SMPD3: variants seen among roughly 807,000 people sequenced by gnomAD.
SMPD3 encodes nSMase-2.
In SMPD3, 21 loss-of-function variants were observed where a neutral mutation model predicts 55.7. That is an observed-to-expected ratio of 0.38 (90% CI 0.27 to 0.54). The LOEUF is 0.54. Among genes scored for constraint, SMPD3 ranks in the 20% least tolerant of loss-of-function variants. SMPD3 has a pLI of 0.80. For synonymous variants in SMPD3, 457 were observed against 404.3 expected (o/e 1.13, Z -1.56); for missense variants, 842 against 899.6 (o/e 0.94, Z 0.82).
chr16:68,417,211 C>T (rs1597657530), intron 1 of SMPD3, among the ~76,000 whole-genome samples: 1 of 152,324 alleles, frequency 6.6e-6, no homozygotes, highest in African/African-American at 2.4e-5. Flanking sequence ...ATCTCAGCTC[C>T]TGAGTTCCCT....
intron 1 of SMPD3, among the ~76,000 whole-genome samples, chr16:68,402,222 G>A (rs1188726397): frequency 6.6e-6 from 1 of 152,146 alleles, no homozygotes; most frequent in Non-Finnish European, 1.5e-5. Context: ...TGAACCCTGA[G>A]TGATACAGCA....
At chr16:68,361,811 C>T (rs775558692) in intron 7 of SMPD3, 52 bp from the exon 8 acceptor site, 2 of 1,467,412 alleles carry the variant, frequency 1.4e-6, no homozygotes, top group Non-Finnish European at 1.8e-6. Context: ...CCCTGTGGGC[C>T]TGGCAGGGGC....
intron 2 of SMPD3, among the ~76,000 whole-genome samples, chr16:68,378,548 A>C (rs1428075483): frequency 2.0e-5 from 3 of 151,946 alleles, no homozygotes; most frequent in African/African-American, 7.3e-5. Flanking sequence ...TTCTCCCTGC[A>C]GTCCTCCCTG....
intron 2 of SMPD3, among the ~76,000 whole-genome samples, chr16:68,379,530 T>C (rs936207089): frequency 7.2e-5 from 11 of 152,186 alleles, no homozygotes; most frequent in African/African-American, 2.4e-4. Flanking sequence ...CTTCAAAGTC[T>C]CCTCCTCTTG....
chr16:68,365,343 T>C (rs2089445109), intron 3 of SMPD3, among the ~76,000 whole-genome samples: 1 of 152,030 alleles, frequency 6.6e-6, no homozygotes. Flanking sequence ...GTGCAAAGCA[T>C]GGGGGAAGTG....
intron 1 of SMPD3, among the ~76,000 whole-genome samples, chr16:68,413,341 G>A (rs2090316329): frequency 6.6e-6 from 1 of 152,224 alleles, no homozygotes; most frequent in Non-Finnish European, 1.5e-5. Context: ...GAGCTGTGAA[G>A]CCTTGCAGCT....
chr16:68,424,128 C>T (rs1265437534), intron 1 of SMPD3, among the ~76,000 whole-genome samples: 1 of 149,380 alleles, frequency 6.7e-6, no homozygotes. Flanking sequence ...GGGTCCTAGG[C>T]CCCCTGGCTA....
intron 1 of SMPD3, among the ~76,000 whole-genome samples, chr16:68,435,133 G>GC (rs869034221): frequency 1.7e-5 from 1 of 60,582 alleles, no homozygotes; most frequent in Non-Finnish European, 4.1e-5. Context: ...GAGAAAGACA[G>GC]CCCAGCAGAT....
chr16:68,365,019 T>C lies in SMPD3; in HGVS notation c.1397A>G (p.Gln466Arg). ...ACACAGGTGGGCGGCAACCCTACCT[T>C]GCGGGGCATGCAGGTGTGTGCAGGC... is the stretch of plus-strand genomic sequence containing the variant. The part of the protein sequence containing the change: ...YIACTHLHAP[Q>R]EDSAIRCGQL... The change falls in exon 4 of 9, where the codon CAA (glutamine) becomes CGA (arginine). Residue 466 changes from glutamine to arginine, a missense_variant and splice_region_variant. Physicochemically the swap from Gln to Arg is conservative, Grantham distance 43. Transcript: ENST00000219334. 2 of 1,614,040 alleles carry C rather than the reference T, an allele frequency of 1.2e-6. No individual in the cohort carries two copies. The highest frequency in any genetic ancestry group is 1.7e-6 in the Non-Finnish European group (2 of 1,179,992).
chr16:68,368,721 G>A (rs986405612), intron 3 of SMPD3: 1 of 152,426 alleles, frequency 6.6e-6, no homozygotes, highest in Non-Finnish European at 1.5e-5. Flanking sequence ...GGACAAAGCA[G>A]AGGGGCCTCA....
intron 1 of SMPD3, among the ~76,000 whole-genome samples, chr16:68,436,592 G>A (rs1449451240): frequency 7.9e-5 from 12 of 152,164 alleles, no homozygotes. Context: ...AATTCACAAC[G>A]CTCCACTCAC....
chr16:68,388,637 A>C (rs1170879650), intron 1 of SMPD3, among the ~76,000 whole-genome samples: 23 of 128,836 alleles, frequency 1.8e-4, no homozygotes, highest in Admixed American at 3.3e-4. Context: ...CCCCCTCCCC[A>C]CTCTCCACCC....
chr16:68,396,598 C>T (rs2090159681), intron 1 of SMPD3, among the ~76,000 whole-genome samples: 1 of 152,132 alleles, frequency 6.6e-6, no homozygotes, highest in East Asian at 1.9e-4. Context: ...CGTAGAGCCC[C>T]CTGAGCTCCA....
At position 68,433,521 on chromosome 16, in the gene SMPD3, G is replaced by A. The variant is rs147433858; in HGVS notation, c.-269+14832C>T. Among the ~76,000 whole-genome samples, 285 of 152,350 alleles carry A rather than the reference G, an allele frequency of 1.9e-3. 3 individuals are homozygous for A. Among genetic ancestry groups the A allele is most frequent in the African/African-American group, 6.5e-3 (271 of 41,582 alleles). ...GCTACATCCCTGTACAAGAGTGGGC[G>A]AGGTCACCAGGGCATGGCAGATGGG... On this transcript the variant is annotated intron_variant, in intron 1 of 8. Transcript: ENST00000219334.
rs925063925 is a variant in SMPD3, at chr16:68,404,113, T to C, written c.-268-17454A>G. Among the ~76,000 whole-genome samples, 6 of 151,882 alleles carry C rather than the reference T, an allele frequency of 4.0e-5. No homozygotes were observed. The highest frequency in any genetic ancestry group is 8.8e-5 in the Non-Finnish European group (6 of 67,988). ...TCACTGCAGCCTCTGCCTCTCGGGC[T>C]CAAGAGATCCTCCCACCTCAGCCTC... On this transcript the variant is annotated intron_variant, in intron 1 of 8. Coordinates refer to ENST00000219334, the MANE Select transcript of SMPD3 (RefSeq NM_018667.4). This position sits in a 1 kb window ranked among gnomAD's most constrained non-coding sequence, Gnocchi z 4.0.
At chr16:68,414,499 T>C (rs1031760080) in intron 1 of SMPD3, among the ~76,000 whole-genome samples, 10 of 152,032 alleles carry the variant, frequency 6.6e-5, no homozygotes, top group Non-Finnish European at 8.8e-5. Flanking sequence ...GGAGATGGAG[T>C]CAGTCCTAAT....
chr16:68,389,168 A>C (rs1258346219), intron 1 of SMPD3, among the ~76,000 whole-genome samples: 2 of 152,198 alleles, frequency 1.3e-5, no homozygotes, highest in Non-Finnish European at 2.9e-5. Context: ...CTCTGGCTTA[A>C]ATAGGCAGTA....
chr16:68,382,720 T>A (rs1478065355), intron 2 of SMPD3, among the ~76,000 whole-genome samples: 2 of 152,160 alleles, frequency 1.3e-5, no homozygotes, highest in Non-Finnish European at 2.9e-5. Context: ...GACTACCAGA[T>A]CACTGACTGC....
intron 2 of SMPD3, among the ~76,000 whole-genome samples, chr16:68,379,835 G>A (rs1017194575): frequency 4.6e-5 from 7 of 152,230 alleles, no homozygotes; most frequent in African/African-American, 7.2e-5. Context: ...AGCCAGCCTC[G>A]GCATTTCCCT....
Sources: allele counts gnomAD v4.1 joint callset (sites outside exome capture counted in the v4.1 genomes callset), GRCh38; gene constraint gnomAD v4.1.1; non-coding constraint Gnocchi (gnomAD v3.1); transcripts MANE v1.5; gene names NCBI Gene and HGNC (gene_info 2026-07-23, HGNC 2026-07-21).